The following C10orf67 variants were observed in gnomAD, a reference collection of about 807,000 sequenced individuals.
The protein encoded by C10orf67 is chromosome 10 open reading frame 67.
C10orf67 carries 60 observed loss-of-function variants against 35.6 expected under a neutral mutation model. The observed-to-expected ratio is 1.68, with a 90% CI of 1.37 to 2.09. The LOEUF (loss-of-function observed/expected upper bound fraction) is 2.09. Among genes scored for constraint, C10orf67 ranks in the 30% most tolerant of loss-of-function variants. C10orf67 has a pLI of 0.00. For synonymous variants in C10orf67, 167 were observed against 115.8 expected (o/e 1.44, Z -2.84); for missense variants, 474 against 330.2 (o/e 1.44, Z -3.38).
chr10:23,343,616 A>G (rs532292037), intron 1 of C10orf67, among the ~76,000 whole-genome samples: 36 of 152,316 alleles, frequency 2.4e-4, no homozygotes, highest in Non-Finnish European at 3.8e-4. Flanking sequence ...TTTCCCGCTG[A>G]GAAAACTGAG....
chr10:23,260,858 C>G (rs1842729398), intron 10 of C10orf67, among the ~76,000 whole-genome samples: 2 of 152,188 alleles, frequency 1.3e-5, no homozygotes, highest in Non-Finnish European at 1.5e-5. Context: ...GCATAAAAAT[C>G]TAAACCTTCA....
chr10:23,299,364 T>C (rs1435867180), intron 5 of C10orf67, among the ~76,000 whole-genome samples: 2 of 152,124 alleles, frequency 1.3e-5, no homozygotes, highest in East Asian at 3.9e-4. Flanking sequence ...TAGTTTAACT[T>C]GAACAGGACA....
intron 10 of C10orf67, 144 bp from the exon 11 acceptor site, chr10:23,250,835 C>T (rs1406731425): frequency 1.0e-5 from 4 of 391,340 alleles, no homozygotes; most frequent in East Asian, 3.6e-5. Flanking sequence ...CGGTGACTCA[C>T]GCCTGTAATC....
In C10orf67 at chr10:23,303,434, T is replaced by C. The variant is rs1844163071; in HGVS notation, c.572A>G (p.Asn191Ser). Residue 191 changes from asparagine to serine, a missense_variant, in exon 5 of 16, where the codon AAT becomes AGT. Physicochemically the swap from Asn to Ser is conservative, Grantham distance 46. Coordinates refer to ENST00000636213, the MANE Select transcript of C10orf67 (RefSeq NM_001371909.1). ...AGTACTCGCATCTTGCAAAGAAACA[T>C]TCTCTTCTTCTACCTCAAAGAATTG... ...YQQFFEVEEENVSLQDASTVK... is the reference protein window; with the variant it reads ...YQQFFEVEEESVSLQDASTVK... 1 of 588,192 alleles carries C rather than the reference T, an allele frequency of 1.7e-6. No homozygotes were observed. The highest frequency in any genetic ancestry group is 3.1e-6 in the Non-Finnish European group (1 of 326,550). 36.4% of individuals were successfully genotyped at this position (588,192 alleles called of 1,614,324 possible).
At chr10:23,305,851 A>T (rs1844254264) in intron 4 of C10orf67, among the ~76,000 whole-genome samples, 1 of 152,186 alleles carries the variant, frequency 6.6e-6, no homozygotes, top group South Asian at 2.1e-4. Flanking sequence ...AAATAAAATC[A>T]TGATCTTAAA....
intron 15 of C10orf67, among the ~76,000 whole-genome samples, chr10:23,219,066 A>G (rs912545688): frequency 6.6e-6 from 1 of 152,230 alleles, no homozygotes; most frequent in South Asian, 2.1e-4. Flanking sequence ...TGCAAAACAT[A>G]CTTATTGAAA....
chr10:23,223,864 T>A (rs143435986), intron 13 of C10orf67, 46 bp from the exon 14 acceptor site: 1 of 709,556 alleles, frequency 1.4e-6, no homozygotes, highest in Non-Finnish European at 2.6e-6. Context: ...GAGGAAATAA[T>A]AGTCAAATCA....
intron 12 of C10orf67, among the ~76,000 whole-genome samples, chr10:23,249,187 T>C (rs1225589265): frequency 1.6e-5 from 2 of 124,888 alleles, no homozygotes; most frequent in Non-Finnish European, 3.4e-5. Flanking sequence ...TTGTAAATCA[T>C]CACTGAAGAA....
intron 2 of C10orf67, among the ~76,000 whole-genome samples, chr10:23,323,903 A>C (rs1247397172): frequency 1.1e-4 from 1 of 9,478 alleles, no homozygotes; most frequent in Non-Finnish European, 1.6e-4. Context: ...AAATATATAT[A>C]TATATATATA....
intron 15 of C10orf67, among the ~76,000 whole-genome samples, chr10:23,222,014 G>T (rs995375501): frequency 3.3e-5 from 5 of 152,140 alleles, no homozygotes; most frequent in African/African-American, 1.2e-4. Context: ...CTACAGTGCT[G>T]ATTAATATTC....
chr10:23,283,643 A>C (rs1285896635), intron 7 of C10orf67, among the ~76,000 whole-genome samples: 5 of 152,058 alleles, frequency 3.3e-5, no homozygotes, highest in Non-Finnish European at 5.9e-5. Flanking sequence ...TGTTCTCTTC[A>C]GCTACAGGAA....
intron 5 of C10orf67, among the ~76,000 whole-genome samples, chr10:23,291,814 C>A (rs1378772833): frequency 6.6e-6 from 1 of 152,078 alleles, no homozygotes; most frequent in Admixed American, 6.5e-5. Flanking sequence ...GCATGGAGTC[C>A]ATCAGGCACA....
chr10:23,270,559 A>G (rs1035103422), intron 8 of C10orf67, among the ~76,000 whole-genome samples: 1 of 152,206 alleles, frequency 6.6e-6, no homozygotes, highest in African/African-American at 2.4e-5. Context: ...AGGGGACTGA[A>G]TCCAGGTAGC....
intron 1 of C10orf67, among the ~76,000 whole-genome samples, chr10:23,339,981 T>C (rs1845820136): frequency 6.6e-6 from 1 of 152,210 alleles, no homozygotes; most frequent in African/African-American, 2.4e-5. Flanking sequence ...TGCAATCCTT[T>C]ACCCTACCCA....
At chr10:23,300,842 A>G (rs1050508871) in intron 5 of C10orf67, among the ~76,000 whole-genome samples, 1 of 152,118 alleles carries the variant, frequency 6.6e-6, no homozygotes, top group African/African-American at 2.4e-5. Context: ...TTGTCATCCT[A>G]TCATTGAACT....
chr10:23,218,001 G>A (rs1044088326), intron 15 of C10orf67, among the ~76,000 whole-genome samples: 2 of 152,052 alleles, frequency 1.3e-5, no homozygotes, highest in Non-Finnish European at 2.9e-5. Context: ...TCTGACCTAC[G>A]GACAGAGCTT....
At chr10:23,252,253 C>T (rs1842474713) in intron 10 of C10orf67, among the ~76,000 whole-genome samples, 1 of 152,038 alleles carries the variant, frequency 6.6e-6, no homozygotes, top group African/African-American at 2.4e-5. Flanking sequence ...TTCAGCCTGC[C>T]TATTGCCTTT....
intron 1 of C10orf67, among the ~76,000 whole-genome samples, chr10:23,343,149 C>G (rs1041963615): frequency 6.6e-6 from 1 of 152,216 alleles, no homozygotes; most frequent in African/African-American, 2.4e-5. Context: ...GCAAACACTT[C>G]TATGATTCTG....
At chr10:23,288,055 T>A (rs1187036105) in intron 7 of C10orf67, among the ~76,000 whole-genome samples, 1 of 152,192 alleles carries the variant, frequency 6.6e-6, no homozygotes, top group East Asian at 1.9e-4. Context: ...TGGAAGACAG[T>A]ATGGAGTATT....
Sources: gnomAD v4.1 joint callset for allele counts (sites outside exome capture counted in the v4.1 genomes callset) on GRCh38, gnomAD v4.1.1 for gene constraint, MANE v1.5 for transcripts, NCBI Gene and HGNC (gene_info 2026-07-23, HGNC 2026-07-21) for gene names.